The following PDGFC variants were observed in gnomAD, a reference collection of about 807,000 sequenced individuals.
The protein encoded by PDGFC is platelet-derived growth factor C.
A neutral mutation model predicts 35.5 loss-of-function variants in PDGFC; 12 were observed. The observed-to-expected ratio is 0.34, with a 90% CI of 0.22 to 0.55. The LOEUF is 0.55. Ranked by LOEUF, PDGFC falls within the 20% of genes least tolerant of loss-of-function variation. PDGFC has a pLI of 0.91. For missense variants in PDGFC, 322 were observed against 412.4 expected (o/e 0.78, Z 1.90); for synonymous variants, 159 against 148.8 (o/e 1.07, Z -0.50).
chr4:156,858,356 A>C (rs1453145491), intron 1 of PDGFC, among the ~76,000 whole-genome samples: 1 of 152,122 alleles, frequency 6.6e-6, no homozygotes, highest in African/African-American at 2.4e-5. Flanking sequence ...ATAAGCAATA[A>C]TCTTCTTACC....
intron 3 of PDGFC, among the ~76,000 whole-genome samples, chr4:156,798,085 GGGAGGCTGAGGCA>G: frequency 6.6e-6 from 1 of 152,192 alleles, no homozygotes; most frequent in African/African-American, 2.4e-5. Flanking sequence ...CCGGCTACTC[GGGAGGCTGAGGCA>G]GGAGAATCAC....
chr4:156,908,676 C>T (rs1279334576), intron 1 of PDGFC, among the ~76,000 whole-genome samples: 1 of 152,160 alleles, frequency 6.6e-6, no homozygotes, highest in Non-Finnish European at 1.5e-5. Flanking sequence ...TCTGTGTTGA[C>T]TTCTGGCTAC....
intron 1 of PDGFC, among the ~76,000 whole-genome samples, chr4:156,934,942 A>T (rs1731640539): frequency 6.6e-6 from 1 of 152,230 alleles, no homozygotes; most frequent in South Asian, 2.1e-4. Context: ...TTCTTCTGGA[A>T]TCTGTCCTAA....
chr4:156,843,280 T>C (rs1729247908), intron 2 of PDGFC, among the ~76,000 whole-genome samples: 1 of 152,200 alleles, frequency 6.6e-6, no homozygotes, highest in Non-Finnish European at 1.5e-5. Flanking sequence ...CATCGCCAGA[T>C]ACACAATCTG....
At chr4:156,892,755 C>T (rs1730543503) in intron 1 of PDGFC, among the ~76,000 whole-genome samples, 2 of 152,186 alleles carry the variant, frequency 1.3e-5, no homozygotes, top group African/African-American at 2.4e-5. Flanking sequence ...CAGCTGATGA[C>T]ATAAATTGAA....
intron 1 of PDGFC, among the ~76,000 whole-genome samples, chr4:156,954,438 A>G: frequency 6.6e-6 from 1 of 152,048 alleles, no homozygotes; most frequent in East Asian, 1.9e-4. Context: ...AACTAAAAAT[A>G]AGAAAGCACA....
At chr4:156,764,698 T>C (rs917114289) in intron 5 of PDGFC, among the ~76,000 whole-genome samples, 1 of 152,222 alleles carries the variant, frequency 6.6e-6, no homozygotes, top group Non-Finnish European at 1.5e-5. Flanking sequence ...TTCTTTAATG[T>C]GAAATTTAAC....
intron 1 of PDGFC, among the ~76,000 whole-genome samples, chr4:156,924,416 GA>G (rs1044762574): frequency 5.3e-5 from 8 of 151,862 alleles, no homozygotes; most frequent in African/African-American, 1.9e-4. Flanking sequence ...ATTCAGTGGG[GA>G]AAAAAATGTT....
At chr4:156,913,596 C>G (rs62331510) in intron 1 of PDGFC, among the ~76,000 whole-genome samples, 2 of 152,154 alleles carry the variant, frequency 1.3e-5, no homozygotes, top group Admixed American at 1.3e-4. Flanking sequence ...CTTGAGGCTT[C>G]GCGCCAAATC....
intron 2 of PDGFC, among the ~76,000 whole-genome samples, chr4:156,822,512 A>G (rs1320304069): frequency 4.6e-5 from 7 of 152,158 alleles, no homozygotes; most frequent in South Asian, 2.1e-4. Context: ...CAAAATCACA[A>G]TAAGGCTTGT....
At chr4:156,850,111 C>A in intron 2 of PDGFC, 110 bp downstream of exon 2, 2 of 551,138 alleles carry the variant, frequency 3.6e-6, no homozygotes, top group South Asian at 4.6e-5. Context: ...CTTAGATCAT[C>A]AGAAAAATAA....
At chr4:156,949,369 T>A (rs75779707) in intron 1 of PDGFC, among the ~76,000 whole-genome samples, 3,320 of 151,916 alleles carry the variant, frequency 0.022, 131 homozygotes, top group African/African-American at 0.075. Context: ...CTTTTTTTTT[T>A]ATTTCTTTCA....
rs185291587 is a variant in PDGFC at position 156,770,712 on chromosome 4, A to C, written c.703+1974T>G. ...GCAGATTTTGAGCACATCACCAACCAAAATCATTATTTTTAAATGCAAATG... is the reference window on the plus strand; with the variant it reads ...GCAGATTTTGAGCACATCACCAACCCAAATCATTATTTTTAAATGCAAATG... On this transcript the variant is annotated intron_variant, in intron 4 of 5. Transcript: ENST00000502773. The C allele has an allele frequency of 1.2e-4, 19 of 152,242 alleles. No homozygotes were observed. The East Asian group carries it at 2.9e-3, about 23-fold the overall frequency. The allele number at this position is 152,242 out of a possible 1,614,324, so 9.4% of individuals were successfully genotyped here.
intron 2 of PDGFC, among the ~76,000 whole-genome samples, chr4:156,819,825 G>A (rs990245827): frequency 3.9e-5 from 6 of 152,186 alleles, no homozygotes; most frequent in Non-Finnish European, 8.8e-5. Context: ...AATCTGGGCA[G>A]AGTAAACTGA....
At chr4:156,824,411 T>C (rs746397193) in intron 2 of PDGFC, among the ~76,000 whole-genome samples, 4 of 149,970 alleles carry the variant, frequency 2.7e-5, no homozygotes, top group South Asian at 2.1e-4. Context: ...CACACATATA[T>C]ACACACACAC....
intron 2 of PDGFC, among the ~76,000 whole-genome samples, chr4:156,826,113 C>T (rs536396951): frequency 6.7e-6 from 1 of 149,164 alleles, no homozygotes; most frequent in East Asian, 2.0e-4. Flanking sequence ...AATCCTCCCA[C>T]ATTGGCCTCC....
chr4:156,952,008 T>C (rs748873419), intron 1 of PDGFC, among the ~76,000 whole-genome samples: 21 of 151,924 alleles, frequency 1.4e-4, no homozygotes, highest in Non-Finnish European at 2.8e-4. Context: ...TTAGTCATAT[T>C]AGCTTATTTG....
At chr4:156,903,104 A>AGAGTGAGTGT (rs368483475) in intron 1 of PDGFC, among the ~76,000 whole-genome samples, 1 of 130,678 alleles carries the variant, frequency 7.7e-6, no homozygotes, top group African/African-American at 2.8e-5. Context: ...AGAGAGAGAG[A>AGAGTGAGTGT]GTGTGTGTGT....
chr4:156,838,442 C>T (rs1014514685), intron 2 of PDGFC, among the ~76,000 whole-genome samples: 11 of 152,186 alleles, frequency 7.2e-5, no homozygotes, highest in South Asian at 2.1e-4. Flanking sequence ...AGAGCTTTTG[C>T]GGAAAACTTT....
Sources: allele counts gnomAD v4.1 joint callset (sites outside exome capture counted in the v4.1 genomes callset), GRCh38; gene constraint gnomAD v4.1.1; transcripts MANE v1.5; gene names NCBI Gene and HGNC (gene_info 2026-07-23, HGNC 2026-07-21).